NEK11: variants seen among roughly 807,000 people sequenced by gnomAD.
NEK11 encodes the protein NIMA related kinase 11.
In NEK11, 72 loss-of-function variants were observed where a neutral mutation model predicts 80.7. The observed-to-expected ratio is 0.89, with a 90% CI of 0.74 to 1.08. The LOEUF (loss-of-function observed/expected upper bound fraction) is 1.08. Among genes scored for constraint, NEK11 ranks in the 50% least tolerant of loss-of-function variants. NEK11 has a pLI of 0.00. For synonymous variants in NEK11, 251 were observed against 260.7 expected (o/e 0.96, Z 0.36); for missense variants, 764 against 763.6 (o/e 1.00, Z -0.01).
chr3:131,325,942 A>T (rs1303805468), intron 17 of NEK11: 3 of 152,248 alleles, frequency 2.0e-5, no homozygotes, highest in Non-Finnish European at 2.9e-5. Flanking sequence ...CTCTGCAAAT[A>T]AGTGCAAACT....
chr3:131,093,362 T>C (rs1321390246), intron 4 of NEK11, among the ~76,000 whole-genome samples: 3 of 152,206 alleles, frequency 2.0e-5, no homozygotes, highest in African/African-American at 7.2e-5. Context: ...TTCCTACTAT[T>C]AGATTTAAAC....
intron 3 of NEK11, among the ~76,000 whole-genome samples, chr3:131,031,462 C>T (rs1174101119): frequency 6.6e-6 from 1 of 152,150 alleles, no homozygotes; most frequent in East Asian, 1.9e-4. Context: ...ACTGTAGGAT[C>T]ATATCCAATT....
At chr3:131,314,521 C>T (rs551137909) in intron 17 of NEK11, among the ~76,000 whole-genome samples, 1 of 152,214 alleles carries the variant, frequency 6.6e-6, no homozygotes, top group Non-Finnish European at 1.5e-5. Context: ...CTCTTTAGCA[C>T]TTCCTATTGG....
chr3:131,242,416 G>C (rs1049972275), intron 15 of NEK11, among the ~76,000 whole-genome samples: 3 of 152,144 alleles, frequency 2.0e-5, no homozygotes, highest in Admixed American at 2.0e-4. Flanking sequence ...CATCTAGCAA[G>C]ATGCAGTTAC....
intron 17 of NEK11, among the ~76,000 whole-genome samples, chr3:131,316,899 G>A: frequency 6.6e-6 from 1 of 152,132 alleles, no homozygotes; most frequent in East Asian, 1.9e-4. Flanking sequence ...TGGTTCCAAA[G>A]CATATAGGAA....
intron 4 of NEK11, among the ~76,000 whole-genome samples, chr3:131,096,071 T>G (rs1465392084): frequency 1.3e-5 from 2 of 152,144 alleles, no homozygotes; most frequent in African/African-American, 4.8e-5. Flanking sequence ...TTAAAAAAAT[T>G]GACATATTTT....
intron 17 of NEK11, among the ~76,000 whole-genome samples, chr3:131,323,276 T>G (rs902207669): frequency 1.3e-5 from 2 of 152,248 alleles, no homozygotes; most frequent in African/African-American, 4.8e-5. Context: ...TTGTTCTTTC[T>G]CACCACAGCA....
chr3:131,090,175 G>T (rs1222294341), intron 4 of NEK11, among the ~76,000 whole-genome samples: 1 of 152,138 alleles, frequency 6.6e-6, no homozygotes, highest in Non-Finnish European at 1.5e-5. Context: ...ATCAAAGGTG[G>T]GGTTAAGAAC....
intron 5 of NEK11, among the ~76,000 whole-genome samples, chr3:131,120,206 T>C (rs2082125837): frequency 6.6e-6 from 1 of 152,222 alleles, no homozygotes; most frequent in African/African-American, 2.4e-5. Context: ...TTTGCTTGTC[T>C]GTAAAGGATT....
Position 131,228,631 on chromosome 3 carries a change from A to G in NEK11, c.1503A>G (p.Arg501=), listed in dbSNP as rs1268936548. 1.2e-6 allele frequency: 2 copies of G among 1,613,812 alleles called. No individual in the cohort carries two copies. The highest frequency in any genetic ancestry group is 2.2e-5 in the East Asian group (1 of 44,870). ...AGGAAGAAGAAATAGCGTTAGAAAG[A>G]CCAGAGAAAGAAATCAGGAATGAGG... The part of the protein sequence containing the change: ...DEEEEEIALE[R]PEKEIRNEGS... The change falls in exon 15 of 18, where the codon AGA becomes AGG. Residue 501 remains arginine, a synonymous_variant. Transcript: ENST00000383366.
intron 3 of NEK11, among the ~76,000 whole-genome samples, chr3:131,053,020 C>G (rs1160679): frequency 6.6e-6 from 1 of 151,926 alleles, no homozygotes; most frequent in Non-Finnish European, 1.5e-5. Flanking sequence ...TCCCGCCCCC[C>G]GGGACACTCT....
At chr3:131,268,044 T>C (rs958091287) in intron 16 of NEK11, among the ~76,000 whole-genome samples, 2 of 152,234 alleles carry the variant, frequency 1.3e-5, no homozygotes, top group Admixed American at 6.5e-5. Context: ...ATATCCTTTC[T>C]TCCACTTGAT....
At chr3:131,335,334 A>T (rs1220402380) in intron 17 of NEK11, among the ~76,000 whole-genome samples, 1 of 152,244 alleles carries the variant, frequency 6.6e-6, no homozygotes, top group East Asian at 1.9e-4. Flanking sequence ...CAATAAATGT[A>T]ATCCAGCATA....
rs375962855 is a variant in NEK11, at chr3:131,258,819, C to A, written c.1622-14659C>A. Among the ~76,000 whole-genome samples the A allele has an allele frequency of 5.9e-5, 9 of 152,160 alleles. No individual in the cohort carries two copies. In the South Asian group the frequency reaches 1.9e-3, roughly 32 times the overall value. On this transcript the variant is annotated intron_variant, in intron 16 of 17. Transcript: ENST00000383366. Reference sequence around the variant, plus strand: ...TATTTATCATATTTCCTATAAGTAGCAAGTTTGCTTTTCCCAAGTTGATCC... The same window carrying A: ...TATTTATCATATTTCCTATAAGTAGAAAGTTTGCTTTTCCCAAGTTGATCC...
chr3:131,252,184 G>T (rs1283778474), intron 16 of NEK11, among the ~76,000 whole-genome samples: 1 of 152,044 alleles, frequency 6.6e-6, no homozygotes, highest in East Asian at 1.9e-4. Flanking sequence ...GCTTAAGTAT[G>T]TCAGAGTATA....
chr3:131,037,376 C>T (rs773951160), intron 3 of NEK11, among the ~76,000 whole-genome samples: 4 of 152,088 alleles, frequency 2.6e-5, no homozygotes, highest in Admixed American at 6.5e-5. Context: ...CTCCATCTCC[C>T]AGTTTCAAGC....
At chr3:131,099,513 G>A (rs1437328822) in intron 4 of NEK11, among the ~76,000 whole-genome samples, 3 of 152,128 alleles carry the variant, frequency 2.0e-5, no homozygotes, top group Non-Finnish European at 2.9e-5. Context: ...GAATGATGCT[G>A]GTAGTTTGAT....
chr3:131,129,579 TTTTA>T (rs2084041512), intron 5 of NEK11, among the ~76,000 whole-genome samples: 1 of 152,174 alleles, frequency 6.6e-6, no homozygotes, highest in Admixed American at 6.5e-5. Flanking sequence ...AGTTTTATAG[TTTTA>T]TATTTTTTAG....
chr3:131,322,696 A>G (rs144807361), intron 17 of NEK11, among the ~76,000 whole-genome samples: 2 of 152,288 alleles, frequency 1.3e-5, no homozygotes, highest in Non-Finnish European at 2.9e-5. Context: ...ATGTGATGCA[A>G]TGCTGCTGGT....
Sources: gnomAD v4.1 joint callset for allele counts (sites outside exome capture counted in the v4.1 genomes callset) on GRCh38, gnomAD v4.1.1 for gene constraint, MANE v1.5 for transcripts, NCBI Gene and HGNC (gene_info 2026-07-23, HGNC 2026-07-21) for gene names.